Variants in UNC5C observed in about 807,000 individuals in gnomAD.
UNC5C encodes netrin receptor UNC5C.
UNC5C carries 47 observed loss-of-function variants against 99.8 expected under a neutral mutation model. That is an observed-to-expected ratio of 0.47 (90% CI 0.37 to 0.60). The LOEUF is 0.60. Ranked by LOEUF, UNC5C falls within the 20% of genes least tolerant of loss-of-function variation. The pLI is 0.00. For missense variants in UNC5C, 1,062 were observed against 1,165.9 expected (o/e 0.91, Z 1.30); for synonymous variants, 487 against 452.2 (o/e 1.08, Z -0.98).
At chr4:95,422,350 TA>T (rs1443231489) in intron 1 of UNC5C, among the ~76,000 whole-genome samples, 2 of 152,288 alleles carry the variant, frequency 1.3e-5, no homozygotes, top group Middle Eastern at 3.4e-3. Context: ...TAATGGAGCT[TA>T]TCACTCCCAT....
At chr4:95,467,720 G>A (rs1747831342) in intron 1 of UNC5C, among the ~76,000 whole-genome samples, 1 of 152,066 alleles carries the variant, frequency 6.6e-6, no homozygotes, top group Admixed American at 6.6e-5. Context: ...CCTTCACATA[G>A]CCAAAAATCT....
intron 1 of UNC5C, among the ~76,000 whole-genome samples, chr4:95,401,197 G>A (rs1053748146): frequency 6.6e-6 from 1 of 152,114 alleles, no homozygotes; most frequent in Non-Finnish European, 1.5e-5. Flanking sequence ...TGCCTACCAT[G>A]TGCAATACAG....
intron 14 of UNC5C, among the ~76,000 whole-genome samples, chr4:95,174,454 G>T (rs535125186): frequency 6.6e-6 from 1 of 151,988 alleles, no homozygotes; most frequent in African/African-American, 2.4e-5. Context: ...CTTTGTTCTC[G>T]TTGGTTTCAA....
intron 11 of UNC5C, among the ~76,000 whole-genome samples, chr4:95,204,919 AT>A (rs752509655): frequency 1.3e-5 from 2 of 152,190 alleles, no homozygotes; most frequent in South Asian, 4.1e-4. Flanking sequence ...CAGTGAAATA[AT>A]TTCTTCTACT....
intron 3 of UNC5C, among the ~76,000 whole-genome samples, chr4:95,300,208 C>A (rs530964136): frequency 2.0e-4 from 31 of 152,196 alleles, no homozygotes; most frequent in Non-Finnish European, 3.8e-4. Flanking sequence ...GGTTACGTGG[C>A]ATCCATGTTG....
chr4:95,292,105 A>G (rs191887304), intron 3 of UNC5C, among the ~76,000 whole-genome samples: 64 of 151,620 alleles, frequency 4.2e-4, no homozygotes, highest in African/African-American at 1.5e-3. Flanking sequence ...GTAGACAGGT[A>G]GAAAATAAAA....
intron 1 of UNC5C, among the ~76,000 whole-genome samples, chr4:95,342,667 G>A (rs1178075355): frequency 6.6e-6 from 1 of 151,826 alleles, no homozygotes; most frequent in Admixed American, 6.6e-5. Context: ...AAGGGAGTTT[G>A]TCTTGCACCT....
intron 3 of UNC5C, 116 bp from the exon 4 acceptor site, chr4:95,278,478 T>C (rs1191937825): frequency 1.3e-6 from 1 of 769,970 alleles, no homozygotes; most frequent in Non-Finnish European, 2.1e-6. Context: ...TTCTTTCTTT[T>C]TTCTTTTTTT....
chr4:95,442,205 A>ATTTG (rs1331120099), intron 1 of UNC5C, among the ~76,000 whole-genome samples: 47 of 151,682 alleles, frequency 3.1e-4, no homozygotes, highest in East Asian at 9.7e-4. Flanking sequence ...TTGTTTGTTT[A>ATTTG]TTTGTTTGTT....
At chr4:95,417,147 T>C (rs761140562) in intron 1 of UNC5C, among the ~76,000 whole-genome samples, 1 of 152,186 alleles carries the variant, frequency 6.6e-6, no homozygotes, top group Non-Finnish European at 1.5e-5. Flanking sequence ...TGCTCTTACA[T>C]ATATTTTTAA....
intron 1 of UNC5C, among the ~76,000 whole-genome samples, chr4:95,546,079 CT>C (rs1418202153): frequency 6.6e-6 from 1 of 152,206 alleles, no homozygotes; most frequent in Non-Finnish European, 1.5e-5. Context: ...ATACATACTT[CT>C]AATTTTTGCA....
chr4:95,416,254 G>T (rs541553240), intron 1 of UNC5C, among the ~76,000 whole-genome samples: 1 of 152,216 alleles, frequency 6.6e-6, no homozygotes, highest in Non-Finnish European at 1.5e-5. Context: ...AGTTTGGAAA[G>T]AATACAGGCT....
chr4:95,548,652 C>A (rs1243865380), intron 1 of UNC5C, 82 bp downstream of exon 1: 54 of 1,493,238 alleles, frequency 3.6e-5, no homozygotes, highest in Non-Finnish European at 4.5e-5. Flanking sequence ...TTGAGGAAGT[C>A]AAGAGAACTG....
Position 95,231,453 on chromosome 4 carries a change from G to C in UNC5C, c.1108+10976C>G, listed in dbSNP as rs553126337. Among the ~76,000 whole-genome samples, 24 of 152,138 alleles carry C rather than the reference G, an allele frequency of 1.6e-4. 1 individual carries two copies. In the South Asian group the frequency reaches 4.4e-3, roughly 28 times the overall value. On this transcript the variant is annotated intron_variant, in intron 7 of 15. Transcript: ENST00000453304. ...GCTATTTTTAGGTCACAAAGGTCTT[G>C]GTTAGTTTTAGTAATATTTATCTAC... is the stretch of plus-strand genomic sequence containing the variant.
At chr4:95,474,154 C>CA (rs1364037774) in intron 1 of UNC5C, among the ~76,000 whole-genome samples, 5 of 151,992 alleles carry the variant, frequency 3.3e-5, no homozygotes, top group African/African-American at 1.2e-4. Flanking sequence ...CTATATTGCA[C>CA]AAAAATGTGA....
intron 1 of UNC5C, among the ~76,000 whole-genome samples, chr4:95,491,644 T>C (rs902575889): frequency 4.0e-5 from 6 of 151,620 alleles, no homozygotes; most frequent in African/African-American, 1.4e-4. Context: ...CATCAGATAG[T>C]TCCAGAAATC....
chr4:95,309,989 T>C (rs938198102), intron 2 of UNC5C, among the ~76,000 whole-genome samples: 3 of 152,178 alleles, frequency 2.0e-5, no homozygotes, highest in African/African-American at 7.2e-5. Flanking sequence ...TCCCCTACAT[T>C]CGCTGCAGCA....
intron 4 of UNC5C, among the ~76,000 whole-genome samples, chr4:95,269,232 C>A (rs1378669895): frequency 6.6e-6 from 1 of 152,124 alleles, no homozygotes; most frequent in Non-Finnish European, 1.5e-5. Flanking sequence ...TCTAACAATT[C>A]CCAGGTGATT....
chr4:95,251,592 A>C (rs1318536455), intron 4 of UNC5C, among the ~76,000 whole-genome samples: 3 of 152,228 alleles, frequency 2.0e-5, no homozygotes, highest in Non-Finnish European at 4.4e-5. Flanking sequence ...TTCTATGCAC[A>C]GTTTTTTCCA....
Sources: allele counts gnomAD v4.1 joint callset (sites outside exome capture counted in the v4.1 genomes callset), GRCh38; gene constraint gnomAD v4.1.1; transcripts MANE v1.5; gene names NCBI Gene and HGNC (gene_info 2026-07-23, HGNC 2026-07-21).